The following MAGI1 variants were observed in gnomAD, a reference collection of about 807,000 sequenced individuals.
MAGI1 encodes the protein membrane associated guanylate kinase, WW and PDZ domain containing 1, also known as membrane-associated guanylate kinase, WW and PDZ domain-containing protein 1.
In MAGI1, 58 loss-of-function variants were observed where a neutral mutation model predicts 139.9. That is an observed-to-expected ratio of 0.41 (90% CI 0.34 to 0.52). The LOEUF (loss-of-function observed/expected upper bound fraction) is 0.52. Among genes scored for constraint, MAGI1 ranks in the 20% least tolerant of loss-of-function variants. The probability of loss-of-function intolerance (pLI) is 0.12; values close to 1 mark genes in which losing one functional copy is unlikely to be tolerated. For missense variants in MAGI1, 1,874 were observed against 1,901.6 expected, an observed-to-expected ratio of 0.99 and a Z score of 0.27; for synonymous variants, 812 against 737.9, an observed-to-expected ratio of 1.10 and a Z score of -1.63.
intron 18 of MAGI1, among the ~76,000 whole-genome samples, chr3:65,373,826 T>C (rs1456107577): frequency 6.6e-6 from 1 of 152,230 alleles, no homozygotes; most frequent in Non-Finnish European, 1.5e-5. Flanking sequence ...AAGTAGATCA[T>C]CATTCAAGAG....
intron 2 of MAGI1, among the ~76,000 whole-genome samples, chr3:65,506,311 C>T (rs894671925): frequency 6.6e-6 from 1 of 152,120 alleles, no homozygotes; most frequent in Non-Finnish European, 1.5e-5. Context: ...TCATAATATG[C>T]ATTAACCATG....
At chr3:65,796,502 G>A (rs2040158938) in intron 1 of MAGI1, among the ~76,000 whole-genome samples, 1 of 152,118 alleles carries the variant, frequency 6.6e-6, no homozygotes, top group Non-Finnish European at 1.5e-5. Context: ...TGGTCACTAA[G>A]CAGAAAATAT....
At chr3:65,825,892 G>A (rs1246984733) in intron 1 of MAGI1, among the ~76,000 whole-genome samples, 1 of 152,124 alleles carries the variant, frequency 6.6e-6, no homozygotes, top group Non-Finnish European at 1.5e-5. Flanking sequence ...GGAGGCTGAG[G>A]CAGGAGAATT....
intron 1 of MAGI1, among the ~76,000 whole-genome samples, chr3:65,669,358 G>A (rs542305592): frequency 3.9e-5 from 6 of 152,310 alleles, no homozygotes; most frequent in African/African-American, 1.4e-4. Context: ...GGAATGAGCA[G>A]GAAGGAACAC....
At chr3:65,721,893 C>G (rs2033074369) in intron 1 of MAGI1, among the ~76,000 whole-genome samples, 1 of 151,620 alleles carries the variant, frequency 6.6e-6, no homozygotes, top group Non-Finnish European at 1.5e-5. Context: ...TGGAGGTCGA[C>G]TAAGGAATCT....
chr3:65,722,971 T>C (rs966560548), intron 1 of MAGI1, among the ~76,000 whole-genome samples: 3 of 135,096 alleles, frequency 2.2e-5, no homozygotes, highest in African/African-American at 5.4e-5. Flanking sequence ...TCTGTTGTAG[T>C]AAAAAAAAAA....
At chr3:65,821,292 T>C (rs769975803) in intron 1 of MAGI1, among the ~76,000 whole-genome samples, 1 of 152,136 alleles carries the variant, frequency 6.6e-6, no homozygotes, top group Non-Finnish European at 1.5e-5. Flanking sequence ...GATTGAATCA[T>C]TCCCCTGCCC....
chr3:65,897,039 T>C (rs2060997662), intron 1 of MAGI1, among the ~76,000 whole-genome samples: 1 of 152,158 alleles, frequency 6.6e-6, no homozygotes, highest in South Asian at 2.1e-4. Flanking sequence ...CCTATGCACA[T>C]CCTCCTGTAT....
chr3:65,622,261 T>C (rs899705577), intron 1 of MAGI1, among the ~76,000 whole-genome samples, 173 bp from the exon 2 acceptor site: 5 of 152,144 alleles, frequency 3.3e-5, no homozygotes, highest in South Asian at 2.1e-4. Flanking sequence ...CAAGCCAGAA[T>C]GTCATAAAGA....
intron 1 of MAGI1, among the ~76,000 whole-genome samples, chr3:65,975,429 C>A (rs1013501466): frequency 5.9e-5 from 9 of 152,212 alleles, no homozygotes; most frequent in Admixed American, 5.2e-4. Context: ...AAAATACTTT[C>A]TAGAATGCCT....
intron 1 of MAGI1, among the ~76,000 whole-genome samples, chr3:65,900,216 T>C (rs1224393001): frequency 1.3e-5 from 2 of 152,202 alleles, no homozygotes; most frequent in African/African-American, 4.8e-5. Flanking sequence ...GTCTTTCCTA[T>C]GTCAGGCATC....
At chr3:65,361,887 C>T (rs780727233) in intron 21 of MAGI1, among the ~76,000 whole-genome samples, 2 of 152,198 alleles carry the variant, frequency 1.3e-5, no homozygotes, top group Admixed American at 6.5e-5. Context: ...GTAACAACCA[C>T]GTGAGTGAGC....
chr3:65,741,176 T>A (rs866919784), intron 1 of MAGI1, among the ~76,000 whole-genome samples: 63 of 136,234 alleles, frequency 4.6e-4, no homozygotes, highest in African/African-American at 1.6e-3. Context: ...TTGCTATTAT[T>A]GATTTTTTTT....
intron 1 of MAGI1, among the ~76,000 whole-genome samples, chr3:65,932,394 A>G (rs762735076): frequency 1.1e-4 from 16 of 152,224 alleles, no homozygotes; most frequent in African/African-American, 3.4e-4. Context: ...AGATTAGGTA[A>G]TATGTTTTCT....
chr3:65,409,400 C>T (rs115626445), intron 12 of MAGI1, among the ~76,000 whole-genome samples: 11,389 of 151,830 alleles, frequency 0.075, 1,463 homozygotes, highest in African/African-American at 0.26. Context: ...AGCATTTAAT[C>T]GTGGGGTGGG....
At chr3:65,433,956 G>A (rs1314592337) in intron 10 of MAGI1, among the ~76,000 whole-genome samples, 1 of 152,142 alleles carries the variant, frequency 6.6e-6, no homozygotes, top group Non-Finnish European at 1.5e-5. Context: ...AATATGGCTA[G>A]TGAGACAGAA....
chr3:65,588,644 A>G (rs777024174), intron 2 of MAGI1, among the ~76,000 whole-genome samples: 56 of 152,156 alleles, frequency 3.7e-4, no homozygotes, highest in Non-Finnish European at 7.2e-4. Context: ...TTCTCTTGCA[A>G]TATTATGTTC....
intron 1 of MAGI1, among the ~76,000 whole-genome samples, chr3:65,869,367 TTTGTTGTTGTTGTTGTTGTTGTTGTTG>T (rs200952901): frequency 1.0e-3 from 122 of 118,938 alleles, no homozygotes; most frequent in African/African-American, 3.7e-3. Flanking sequence ...AGACTGGTTT[TTTGTTGTTGTTGTTGTTGTTGTTGTTG>T]TTGTTGTTGT....
At chr3:65,624,668 G>A (rs6445491) in intron 1 of MAGI1, among the ~76,000 whole-genome samples, 110,583 of 152,002 alleles carry the variant, frequency 0.73, 40,804 homozygotes, top group Non-Finnish European at 0.76. Flanking sequence ...AGGGCATAAG[G>A]GAATAAAATC....
Sources: allele counts gnomAD v4.1 joint callset (sites outside exome capture counted in the v4.1 genomes callset), GRCh38; gene constraint gnomAD v4.1.1; transcripts MANE v1.5; gene names NCBI Gene and HGNC (gene_info 2026-07-23, HGNC 2026-07-21).